Variants in CADPS observed in about 807,000 individuals in gnomAD.
The protein encoded by CADPS is calcium dependent secretion activator, also known as calcium-dependent secretion activator 1.
A neutral mutation model predicts 167.3 loss-of-function variants in CADPS; 57 were observed. The observed-to-expected ratio is 0.34, with a 90% CI of 0.28 to 0.42. CADPS has a LOEUF of 0.42. Ranked by LOEUF, CADPS falls within the 20% of genes least tolerant of loss-of-function variation. The pLI, the probability that CADPS is intolerant of heterozygous loss-of-function variation, is 1.00. For missense variants in CADPS, 1,414 were observed against 1,738.1 expected (o/e 0.81, Z 3.32); for synonymous variants, 676 against 635.3 (o/e 1.06, Z -0.96).
intron 3 of CADPS, among the ~76,000 whole-genome samples, chr3:62,663,259 T>C (rs1364079692): frequency 2.6e-5 from 4 of 152,144 alleles, no homozygotes; most frequent in Non-Finnish European, 4.4e-5. Flanking sequence ...AGATAATATA[T>C]AAGTGAATGT....
At chr3:62,474,151 G>GTGTTTTTTTTTTTT in intron 24 of CADPS, 22 bp downstream of exon 24, 1 of 496,850 alleles carries the variant, frequency 2.0e-6, no homozygotes. Flanking sequence ...AAAAAAATCT[G>GTGTTTTTTTTTTTT]TATTTTTTTT....
chr3:62,487,210 G>A (rs920692653), intron 21 of CADPS, among the ~76,000 whole-genome samples: 1 of 152,188 alleles, frequency 6.6e-6, no homozygotes, highest in African/African-American at 2.4e-5. Context: ...CCATCTGTCA[G>A]GGAAAAGGTA....
chr3:62,656,497 G>T (rs1164851540), intron 4 of CADPS, among the ~76,000 whole-genome samples: 7 of 152,154 alleles, frequency 4.6e-5, no homozygotes, highest in Non-Finnish European at 1.0e-4. Context: ...ATAGGATAAG[G>T]CAGAACTATC....
rs1006911897 is a variant in CADPS at position 62,530,832 on chromosome 3, G to A, written c.2291+2039C>T. 24 of 1,252,926 alleles carry A rather than the reference G, an allele frequency of 1.9e-5. No homozygotes were observed. The African/African-American group carries it at 2.8e-4, about 15-fold the overall frequency. 77.6% of individuals were successfully genotyped at this position (1,252,926 alleles called of 1,614,324 possible). A position where few individuals can be genotyped will look rare whatever the true frequency, so the allele number is the denominator to read the frequency against. ...TGTTGACTTTGGAGAGGGGGTGGTC[G>A]CATGAGGCATGCACAGAGTGTGGCC... On this transcript the variant is annotated intron_variant, in intron 13 of 29. Coordinates refer to ENST00000383710, the MANE Select transcript of CADPS (RefSeq NM_003716.4).
chr3:62,527,626 G>A (rs1247596061), intron 13 of CADPS, among the ~76,000 whole-genome samples: 3 of 152,266 alleles, frequency 2.0e-5, no homozygotes, highest in South Asian at 2.1e-4. Context: ...AGTTTTTCAC[G>A]GAGATGGTGC....
At chr3:62,720,881 G>A (rs867118529) in intron 3 of CADPS, among the ~76,000 whole-genome samples, 3 of 148,118 alleles carry the variant, frequency 2.0e-5, no homozygotes, top group Non-Finnish European at 3.0e-5. Flanking sequence ...GCCATGGTGC[G>A]ATCTTGGCTC....
intron 11 of CADPS, among the ~76,000 whole-genome samples, chr3:62,543,767 C>T (rs2076060101): frequency 2.0e-5 from 3 of 152,042 alleles, no homozygotes; most frequent in African/African-American, 7.2e-5. Context: ...TACATAGTTG[C>T]CTGCTCTCTT....
At chr3:62,579,864 A>G (rs1369378318) in intron 8 of CADPS, among the ~76,000 whole-genome samples, 1 of 152,174 alleles carries the variant, frequency 6.6e-6, no homozygotes, top group African/African-American at 2.4e-5. Context: ...AGGCAGGGGC[A>G]GAAGCAGGGT....
intron 3 of CADPS, among the ~76,000 whole-genome samples, chr3:62,723,974 GT>G (rs2076286396): frequency 6.6e-6 from 1 of 152,226 alleles, no homozygotes; most frequent in African/African-American, 2.4e-5. Flanking sequence ...CACAGTTCAG[GT>G]GGCCTTATGT....
intron 9 of CADPS, among the ~76,000 whole-genome samples, chr3:62,561,493 C>A (rs1429470505): frequency 6.6e-6 from 1 of 151,292 alleles, no homozygotes; most frequent in Non-Finnish European, 1.5e-5. Context: ...CTGGTTTGAA[C>A]TCCTGGGCTC....
At chr3:62,497,714 A>C (rs549183273) in intron 18 of CADPS, among the ~76,000 whole-genome samples, 29 of 152,328 alleles carry the variant, frequency 1.9e-4, no homozygotes, top group Non-Finnish European at 2.5e-4. Context: ...TACTCTCTCT[A>C]TATATAAATA....
Position 62,536,476 on chromosome 3 carries a change from T to C in CADPS, c.2072A>G (p.Asp691Gly). 6.2e-7 allele frequency: 1 copy of C among 1,613,394 alleles called. No individual in the cohort carries two copies. Among genetic ancestry groups the C allele is most frequent in the Non-Finnish European group, 8.5e-7 (1 of 1,179,476 alleles). The change falls in exon 12 of 30, where the codon GAT becomes GGT. Residue 691 changes from aspartate to glycine, a missense_variant. Coordinates refer to ENST00000383710, the MANE Select transcript of CADPS (RefSeq NM_003716.4). The part of the protein sequence containing the change: ...LFEMVQRLTL[D>G]HRLNDSYSCL... The stretch of plus-strand genomic sequence containing the variant: ...AGAATAGGAATCATTAAGTCTGTGA[T>C]CCAAAGTAAGGCGTTGTACCATCTC...
chr3:62,815,682 T>A (rs2094579426), intron 1 of CADPS, among the ~76,000 whole-genome samples: 1 of 152,182 alleles, frequency 6.6e-6, no homozygotes, highest in African/African-American at 2.4e-5. Context: ...TTCCTGCTTC[T>A]ACCTTTTTGA....
At chr3:62,600,108 C>T (rs1334832583) in intron 6 of CADPS, among the ~76,000 whole-genome samples, 1 of 147,618 alleles carries the variant, frequency 6.8e-6, no homozygotes, top group East Asian at 2.0e-4. Flanking sequence ...GTGTGACTGC[C>T]CCTTTCAACT....
chr3:62,420,862 AC>A lies in CADPS; in HGVS notation c.3777+17241del. 6.6e-5 allele frequency among the ~76,000 whole-genome samples: 2 copies of A among 30,228 alleles called. No homozygotes were observed. Among genetic ancestry groups the A allele is most frequent in the Non-Finnish European group, 1.2e-4 (2 of 16,312 alleles). The allele number at this position is 30,228 out of a possible 152,430, so 19.8% of individuals were successfully genotyped here. Reference sequence around the variant, plus strand: ...TTTCTCTTTATGGGAGGGAGAACGAACACACACACACACACACACACACACA... The same window carrying A: ...TTTCTCTTTATGGGAGGGAGAACGAAACACACACACACACACACACACACA... On this transcript the variant is annotated intron_variant, in intron 28 of 29. Transcript: ENST00000383710. This position sits in a 1 kb window ranked among gnomAD's most constrained non-coding sequence, Gnocchi z 4.1.
chr3:62,537,059 A>G (rs2074825148), intron 11 of CADPS, among the ~76,000 whole-genome samples: 1 of 152,202 alleles, frequency 6.6e-6, no homozygotes, highest in Non-Finnish European at 1.5e-5. Flanking sequence ...CAATATTTAT[A>G]TCGTCTTCTT....
intron 1 of CADPS, among the ~76,000 whole-genome samples, chr3:62,861,223 C>G (rs1486945340): frequency 6.6e-6 from 1 of 152,180 alleles, no homozygotes; most frequent in African/African-American, 2.4e-5. Context: ...GTCCAAGTGT[C>G]ATTATGTGGT....
chr3:62,738,417 T>C (rs116838928), intron 3 of CADPS, among the ~76,000 whole-genome samples: 3,464 of 140,358 alleles, frequency 0.025, 135 homozygotes, highest in African/African-American at 0.088. Flanking sequence ...ACAACAAAAA[T>C]ACTTACACAT....
At chr3:62,872,722 G>C (rs1207793596) in intron 1 of CADPS, among the ~76,000 whole-genome samples, 2 of 152,038 alleles carry the variant, frequency 1.3e-5, no homozygotes, top group African/African-American at 4.8e-5. Flanking sequence ...TGTCTCTGTG[G>C]GATTTCTTTC....
Sources: gnomAD v4.1 joint callset for allele counts (sites outside exome capture counted in the v4.1 genomes callset) on GRCh38, gnomAD v4.1.1 for gene constraint, Gnocchi (gnomAD v3.1) non-coding constraint, MANE v1.5 for transcripts, NCBI Gene and HGNC (gene_info 2026-07-23, HGNC 2026-07-21) for gene names.